Variants in TSR1 observed in about 807,000 individuals in gnomAD.
TSR1 encodes the protein pre-rRNA-processing protein TSR1 homolog.
A neutral mutation model predicts 90.9 loss-of-function variants in TSR1; 81 were observed. The observed-to-expected ratio is 0.89, with a 90% CI of 0.74 to 1.07. TSR1 has a LOEUF of 1.07. TSR1 is among the 50% of genes least tolerant of loss of function. The probability of loss-of-function intolerance (pLI) is 0.00; values close to 1 mark genes in which losing one functional copy is unlikely to be tolerated. For synonymous variants in TSR1, 362 were observed against 348.8 expected (o/e 1.04, Z -0.42); for missense variants, 989 against 987.3 (o/e 1.00, Z -0.02).
rs761478877 is a variant in TSR1, at chr17:2,334,881, C to G, written c.572G>C (p.Gly191Ala). The change falls in exon 5 of 15, where the codon GGG (glycine) becomes GCG (alanine). Residue 191 changes from glycine to alanine, a missense_variant. Gly to Ala is a moderately conservative substitution (Grantham distance 60, BLOSUM62 0). Transcript: ENST00000301364. The stretch of plus-strand genomic sequence containing the variant: ...TTTCTTCAGTGGGAGGCCAGAAATC[C>G]CCTGGACAGCTAGTGCTGTAAGCGA... ...GLPTYTLAVQ[G>A]ISGLPLKKQI... is the part of the protein sequence containing the mutation. The G allele has an allele frequency of 1.9e-6, 3 of 1,611,614 alleles. No individual in the cohort carries two copies. The African/African-American group carries it at 4.0e-5, about 22-fold the overall frequency.
In TSR1 at chr17:2,324,760, ACT is replaced by A; in HGVS notation, c.2088_2089del (p.Arg696SerfsTer13). 8.1e-6 allele frequency: 13 copies of A among 1,614,082 alleles called. No homozygotes were observed. Among genetic ancestry groups the A allele is most frequent in the Non-Finnish European group, 1.1e-5 (13 of 1,180,024 alleles). On this transcript the variant is annotated frameshift_variant, in exon 13 of 15. Transcript: ENST00000301364. LOFTEE classifies it high-confidence loss of function. ...TTTGAAAGGATGACCACTCAGAACA[ACT>A]CTCTTGATGACCATTCTGTCTGGAT...
intron 12 of TSR1, 63 bp downstream of exon 12, chr17:2,325,241 G>A: frequency 8.2e-7 from 1 of 1,218,212 alleles, no homozygotes; most frequent in Non-Finnish European, 1.2e-6. Flanking sequence ...AAATAAACAA[G>A]AGAAAACGGT....
chr17:2,335,733 G>A lies in TSR1; in HGVS notation c.202-3C>T, dbSNP rs563523688. 345 of 1,611,808 alleles carry A rather than the reference G, an allele frequency of 2.1e-4. 9 individuals are homozygous for A. The South Asian group carries it at 3.3e-3, about 15-fold the overall frequency. The stretch of plus-strand genomic sequence containing the variant: ...AGCTGTCTCTTCTCTGCCAGAACCT[G>A]AAAATAGAAAGATATCCGAGAACAT... On this transcript the variant is annotated splice_region_variant and splice_polypyrimidine_tract_variant and intron_variant, in intron 2 of 14. Transcript: ENST00000301364.
chr17:2,329,606 T>G (rs1205268399), intron 10 of TSR1, 131 bp from the exon 11 acceptor site: 2 of 1,122,652 alleles, frequency 1.8e-6, no homozygotes, highest in African/African-American at 1.6e-5. Flanking sequence ...AATGGTGGAG[T>G]GTAGATGCTG....
Position 2,324,408 on chromosome 17 carries a change from A to G in TSR1, c.2237-34T>C, listed in dbSNP as rs375306747. The G allele has an allele frequency of 6.3e-6, 10 of 1,599,266 alleles. No individual in the cohort carries two copies. In the African/African-American group the frequency reaches 9.4e-5, roughly 15 times the overall value. On this transcript the variant is annotated intron_variant, in intron 14 of 14. Coordinates refer to ENST00000301364, the MANE Select transcript of TSR1 (RefSeq NM_018128.5). ...ACATCAGAACAAGTCGGTCAAATTA[A>G]AAGTAGAAAATTTTAAAGCAATGAC...
chr17:2,334,162 C>T (rs779768977), intron 5 of TSR1, among the ~76,000 whole-genome samples: 5 of 152,132 alleles, frequency 3.3e-5, no homozygotes, highest in Non-Finnish European at 4.4e-5. Context: ...ACTGCTGGTC[C>T]GCACTCTAAC....
At chr17:2,329,583 G>A (rs2075593860) in intron 10 of TSR1, 108 bp from the exon 11 acceptor site, 2 of 1,330,838 alleles carry the variant, frequency 1.5e-6, no homozygotes, top group African/African-American at 2.9e-5. Flanking sequence ...TCTAAGAACT[G>A]ACAATGCTAA....
chr17:2,334,496 T>C lies in TSR1; in HGVS notation c.957A>G (p.Gln319=), dbSNP rs771349998. The change falls in exon 5 of 15, where the codon CAA becomes CAG. Residue 319 remains glutamine (Q), a synonymous_variant. Transcript: ENST00000301364. ...FPLNPRGIKP[Q]KDPDMAMEIC... ...CCTCCATTGCCATGTCTGGGTCCTT[T>C]TGGGGTTTAATTCCTCTAGGATTTA... 13 of 1,613,706 alleles carry C rather than the reference T, an allele frequency of 8.1e-6. No individual in the cohort carries two copies. Among genetic ancestry groups the C allele is most frequent in the South Asian group, 1.1e-5 (1 of 91,082 alleles).
chr17:2,325,593 T>C (rs2075571731), intron 11 of TSR1, among the ~76,000 whole-genome samples, 173 bp from the exon 12 acceptor site: 1 of 152,172 alleles, frequency 6.6e-6, no homozygotes. Flanking sequence ...AGATACGATC[T>C]AGTCCTATCA....
chr17:2,328,695 T>G (rs918621395), intron 11 of TSR1, among the ~76,000 whole-genome samples: 12 of 150,774 alleles, frequency 8.0e-5, no homozygotes, highest in Admixed American at 2.6e-4. Flanking sequence ...GGCGGGCGGC[T>G]CACGAGGTCA....
intron 4 of TSR1, 40 bp downstream of exon 4, chr17:2,335,220 T>C (rs1454899634): frequency 6.2e-7 from 1 of 1,600,556 alleles, no homozygotes; most frequent in East Asian, 2.2e-5. Flanking sequence ...GCATAGTGCC[T>C]GACAAATTAA....
chr17:2,335,938 T>C, intron 2 of TSR1, 99 bp downstream of exon 2: 1 of 1,373,406 alleles, frequency 7.3e-7, no homozygotes, highest in Non-Finnish European at 1.0e-6. Flanking sequence ...GGCTATGCTC[T>C]GTCCCTGGAC....
At chr17:2,332,119 T>A in intron 8 of TSR1, 50 bp downstream of exon 8, 2 of 1,586,310 alleles carry the variant, frequency 1.3e-6, no homozygotes, top group Non-Finnish European at 1.7e-6. Flanking sequence ...GCCAAGTTTT[T>A]AAAAACGTAT....
rs2075562739 is a variant in TSR1, at chr17:2,324,549, G to A, written c.2191C>T (p.Leu731=). 1 of 1,614,030 alleles carries A rather than the reference G, an allele frequency of 6.2e-7. No individual in the cohort carries two copies. The highest frequency in any genetic ancestry group is 1.3e-5 in the African/African-American group (1 of 74,888). Residue 731 remains leucine, a synonymous_variant, in exon 14 of 15, where the codon CTG becomes TTG. Coordinates refer to ENST00000301364, the MANE Select transcript of TSR1 (RefSeq NM_018128.5). The part of the protein sequence containing the change: ...EDVLWFKPVE[L]RTKWGRRGHI... ...CCTCTCCGGCCCCACTTCGTTCTCA[G>A]TTCCACTGGTTTAAACCACAGCACA...
At position 2,336,369 on chromosome 17, in the gene TSR1, C is replaced by A; in HGVS notation, c.59G>T (p.Arg20Leu). 6 of 1,613,848 alleles carry A rather than the reference C, an allele frequency of 3.7e-6. No homozygotes were observed. Among genetic ancestry groups the A allele is most frequent in the Non-Finnish European group, 5.1e-6 (6 of 1,180,046 alleles). ...KQQNKAHKGG[R>L]HRGRGSAQRD... Reference sequence around the variant, plus strand: ...CTGTGCAGATCCCCGACCCCGATGCCGTCCGCCTTTATGAGCTTTATTCTG... The same window carrying A: ...CTGTGCAGATCCCCGACCCCGATGCAGTCCGCCTTTATGAGCTTTATTCTG... The change falls in exon 1 of 15, where the codon CGG becomes CTG. Residue 20 changes from arginine (R) to leucine (L), a missense_variant. By Grantham distance (102) the Arg-to-Leu change is moderately radical (BLOSUM62 -2). Transcript: ENST00000301364.
chr17:2,330,587 G>A lies in TSR1; in HGVS notation c.1698C>T (p.Pro566=), dbSNP rs137952904. 463 of 1,613,736 alleles carry A rather than the reference G, an allele frequency of 2.9e-4. No individual in the cohort carries two copies. Among genetic ancestry groups the A allele is most frequent in the Non-Finnish European group, 3.7e-4 (431 of 1,179,968 alleles). Residue 566 remains proline (P), a synonymous_variant, in exon 10 of 15, where the codon CCC becomes CCT. Coordinates refer to ENST00000301364, the MANE Select transcript of TSR1 (RefSeq NM_018128.5). ...GCCTGAAGCACTCGACCACTGAGAC[G>A]GGGACTTCAGAGACATGAAGTGTGA... ...WYVTLHVSEV[P]VSVVECFRQG... is the part of the protein sequence containing the mutation.
Position 2,333,218 on chromosome 17 carries a change from C to A in TSR1, c.1142-94G>T, listed in dbSNP as rs2064020594. On this transcript the variant is annotated intron_variant, in intron 6 of 14. Coordinates refer to ENST00000301364, the MANE Select transcript of TSR1 (RefSeq NM_018128.5). ...TAGGCAAGGCACCAGATACTGCTGC[C>A]AACATGGGAAATTCTGGCAGACACT... 7.1e-6 allele frequency: 10 copies of A among 1,415,316 alleles called. No homozygotes were observed. In the East Asian group the frequency reaches 2.2e-4, roughly 31 times the overall value. The allele number at this position is 1,415,316 out of a possible 1,614,324, so 87.7% of individuals were successfully genotyped here.
At chr17:2,328,405 G>A (rs1434677295) in intron 11 of TSR1, among the ~76,000 whole-genome samples, 11 of 151,836 alleles carry the variant, frequency 7.2e-5, no homozygotes, top group Admixed American at 7.2e-4. Context: ...CCAACATGGT[G>A]AAACCCCATC....
rs1002241259 is a variant in TSR1 at position 2,324,101 on chromosome 17, C to A, written c.*95G>T. ...CAAAATGGGGCAGTGGACTGACAGGCTGACATAGAAAATAAACTTTGCCCA... is the reference window on the plus strand; with the variant it reads ...CAAAATGGGGCAGTGGACTGACAGGATGACATAGAAAATAAACTTTGCCCA... On this transcript the variant is annotated 3_prime_UTR_variant, in exon 15 of 15. Transcript: ENST00000301364. The A allele has an allele frequency of 3.4e-6, 5 of 1,455,460 alleles. No homozygotes were observed. In the African/African-American group the frequency reaches 7.1e-5, roughly 21 times the overall value. The allele number at this position is 1,455,460 out of a possible 1,614,324, so 90.2% of individuals were successfully genotyped here.
Sources: gnomAD v4.1 joint callset for allele counts (sites outside exome capture counted in the v4.1 genomes callset) on GRCh38, gnomAD v4.1.1 for gene constraint, MANE v1.5 for transcripts, NCBI Gene and HGNC (gene_info 2026-07-23, HGNC 2026-07-21) for gene names.